BOK: variants seen among roughly 807,000 people sequenced by gnomAD.
BOK encodes the protein BCL2 family apoptosis regulator BOK.
A neutral mutation model predicts 18.3 loss-of-function variants in BOK; 20 were observed. That is an observed-to-expected ratio of 1.09 (90% CI 0.77 to 1.59). The LOEUF (loss-of-function observed/expected upper bound fraction) is 1.59, where lower values mean the gene tolerates loss of function less well. Ranked by LOEUF, BOK falls within the 40% of genes most tolerant of loss-of-function variation. The probability of loss-of-function intolerance (pLI) is 0.00; values close to 1 mark genes in which losing one functional copy is unlikely to be tolerated. For synonymous variants in BOK, 173 were observed against 142.4 expected (o/e 1.21, Z -1.53); for missense variants, 348 against 307.9 (o/e 1.13, Z -0.97).
At chr2:241,571,719 A>G (rs866390306) in intron 4 of BOK, among the ~76,000 whole-genome samples, 1 of 152,242 alleles carries the variant, frequency 6.6e-6, no homozygotes, top group African/African-American at 2.4e-5. Context: ...AAAAGCCTTC[A>G]TGTATTAGCA....
At chr2:241,559,395 C>A (rs1053525070) in intron 1 of BOK, 60 bp from the exon 2 acceptor site, 19 of 1,126,476 alleles carry the variant, frequency 1.7e-5, no homozygotes, top group Non-Finnish European at 2.2e-5. Flanking sequence ...AGCCCGGCGC[C>A]CCGCGCGCCC....
At chr2:241,557,308 C>CTTTTTTTTTTTT (rs59048690), upstream of BOK, among the ~76,000 whole-genome samples, 1 of 126,748 alleles carries the variant, frequency 7.9e-6, no homozygotes, top group Non-Finnish European at 1.6e-5. Flanking sequence ...TTTCTTTTTC[C>CTTTTTTTTTTTT]TTTTTTTTTT....
chr2:241,557,001 T>G (rs1243895046), upstream of BOK, among the ~76,000 whole-genome samples: 1 of 152,226 alleles, frequency 6.6e-6, no homozygotes, highest in Non-Finnish European at 1.5e-5. Context: ...AAATGCACTG[T>G]CAAAAAGTCC....
Position 241,562,288 on chromosome 2 carries a change from A to G in BOK, c.221-60A>G, listed in dbSNP as rs974659210. 2.6e-6 allele frequency: 4 copies of G among 1,538,096 alleles called. No individual in the cohort carries two copies. The African/African-American group carries it at 5.5e-5, about 21-fold the overall frequency. ...TCAGGTGCAGGGTGTGCCCCAAGCC[A>G]GTCGTGTCCCAGGAAGCTGGGACGT... On this transcript the variant is annotated intron_variant, in intron 2 of 4. Coordinates refer to ENST00000318407, the MANE Select transcript of BOK (RefSeq NM_032515.5). The surrounding 1 kb of genome is among the most constrained non-coding windows in gnomAD (Gnocchi z 4.5).
In BOK at chr2:241,573,948, T is replaced by C. The variant is rs916010533; in HGVS notation, c.*1526T>C. The C allele has an allele frequency of 2.0e-5, 3 of 152,262 alleles. No homozygotes were observed. The highest frequency in any genetic ancestry group is 7.2e-5 in the African/African-American group (3 of 41,452). 9.4% of individuals were successfully genotyped at this position (152,262 alleles called of 1,614,324 possible). ...CAGGCTGGACATGGGGCAGTCGTTC[T>C]GGGGAGGCCTGGCCTAGCAGCCACC... On this transcript the variant is annotated 3_prime_UTR_variant, in exon 5 of 5. Transcript: ENST00000318407.
upstream of BOK, among the ~76,000 whole-genome samples, chr2:241,554,222 A>G (rs538677414): frequency 1.3e-5 from 2 of 152,274 alleles, no homozygotes; most frequent in East Asian, 3.9e-4. Flanking sequence ...GGCCTGAGCC[A>G]AGGAGGAGAG....
At chr2:241,571,757 C>T (rs1003877666) in intron 4 of BOK, among the ~76,000 whole-genome samples, 11 of 152,336 alleles carry the variant, frequency 7.2e-5, no homozygotes, top group East Asian at 1.9e-4. Context: ...GAGAATTGGA[C>T]GTTCATTCAC....
intron 3 of BOK, among the ~76,000 whole-genome samples, chr2:241,563,760 C>T (rs2066567757): frequency 6.6e-6 from 1 of 152,228 alleles, no homozygotes. Context: ...GCATCAGGCG[C>T]CAGAGGAAGC....
upstream of BOK, among the ~76,000 whole-genome samples, chr2:241,555,278 C>T (rs2066441409): frequency 6.6e-6 from 1 of 152,048 alleles, no homozygotes; most frequent in Non-Finnish European, 1.5e-5. Flanking sequence ...CCCTGAACTC[C>T]TGGGCTCAAG....
chr2:241,553,097 G>A (rs1036665222), intron 1 of BOK, among the ~76,000 whole-genome samples: 4 of 144,846 alleles, frequency 2.8e-5, no homozygotes, highest in South Asian at 2.2e-4. Flanking sequence ...CTGAACGCCC[G>A]CCCAGTCCCA....
At chr2:241,557,939 A>C (rs2066466393), upstream of BOK, among the ~76,000 whole-genome samples, 1 of 151,778 alleles carries the variant, frequency 6.6e-6, no homozygotes, top group Non-Finnish European at 1.5e-5. Flanking sequence ...GGGAAGAATA[A>C]GTATTTTATA....
intron 3 of BOK, among the ~76,000 whole-genome samples, chr2:241,563,740 C>T (rs1264194070): frequency 4.6e-5 from 7 of 152,220 alleles, no homozygotes; most frequent in Admixed American, 2.6e-4. Flanking sequence ...CTGACAGCAG[C>T]AGGAGCCAGG....
intron 3 of BOK, among the ~76,000 whole-genome samples, chr2:241,569,457 A>T (rs1216090039): frequency 6.6e-6 from 1 of 152,192 alleles, no homozygotes; most frequent in Non-Finnish European, 1.5e-5. Flanking sequence ...AACAGATTAC[A>T]TTTTGTTTTA....
chr2:241,571,944 G>A (rs906290276), intron 4 of BOK, among the ~76,000 whole-genome samples: 13 of 152,226 alleles, frequency 8.5e-5, no homozygotes, highest in African/African-American at 3.1e-4. Flanking sequence ...GGGGCAGCAG[G>A]CAGGTGGCCG....
At chr2:241,568,665 A>C (rs1300321417) in intron 3 of BOK, among the ~76,000 whole-genome samples, 1 of 150,060 alleles carries the variant, frequency 6.7e-6, no homozygotes, top group Non-Finnish European at 1.5e-5. Flanking sequence ...TGATCTGCCC[A>C]CCTCGGCCTT....
intron 2 of BOK, among the ~76,000 whole-genome samples, chr2:241,560,875 C>G (rs544233142): frequency 6.9e-6 from 1 of 144,018 alleles, no homozygotes; most frequent in South Asian, 2.1e-4. Flanking sequence ...CAGAGGGACA[C>G]AGCTCAGACC....
At chr2:241,566,634 T>G (rs2066621279) in intron 3 of BOK, among the ~76,000 whole-genome samples, 1 of 152,120 alleles carries the variant, frequency 6.6e-6, no homozygotes. Context: ...AGTTCTCGTG[T>G]TGCTGTGACT....
At chr2:241,553,705 T>C (rs183201220) in intron 1 of BOK, among the ~76,000 whole-genome samples, 14 of 152,136 alleles carry the variant, frequency 9.2e-5, no homozygotes, top group African/African-American at 2.9e-4. Flanking sequence ...TCCAATCATC[T>C]CCCACCAGGC....
Position 241,562,841 on chromosome 2 carries a change from T to A in BOK, c.349+365T>A, listed in dbSNP as rs2066552069. On this transcript the variant is annotated intron_variant, in intron 3 of 4. Coordinates refer to ENST00000318407, the MANE Select transcript of BOK (RefSeq NM_032515.5). This position sits in a 1 kb window ranked among gnomAD's most constrained non-coding sequence, Gnocchi z 4.5. Reference sequence around the variant, plus strand: ...GGCCCCCGAGCGGGGCTTGGGCTTCTCACAGCATGGTGCTGTGTCCCAAGG... The same window carrying A: ...GGCCCCCGAGCGGGGCTTGGGCTTCACACAGCATGGTGCTGTGTCCCAAGG... 6.6e-6 allele frequency among the ~76,000 whole-genome samples: 1 copy of A among 152,156 alleles called. No homozygotes were observed. The highest frequency in any genetic ancestry group is 2.1e-4 in the South Asian group (1 of 4,832).
Sources: allele counts gnomAD v4.1 joint callset (sites outside exome capture counted in the v4.1 genomes callset), GRCh38; gene constraint gnomAD v4.1.1; non-coding constraint Gnocchi (gnomAD v3.1); transcripts MANE v1.5; gene names NCBI Gene and HGNC (gene_info 2026-07-23, HGNC 2026-07-21).